The following DYNC2H1 variants were observed in gnomAD, a reference collection of about 807,000 sequenced individuals.
DYNC2H1 encodes the protein cytoplasmic dynein 2 heavy chain 1.
A neutral mutation model predicts 570.0 loss-of-function variants in DYNC2H1; 410 were observed. The ratio of observed to expected loss-of-function variants is 0.72; its 90% CI spans 0.66 to 0.78. The LOEUF (loss-of-function observed/expected upper bound fraction) is 0.78. Among genes scored for constraint, DYNC2H1 ranks in the 30% least tolerant of loss-of-function variants. The pLI, the probability that DYNC2H1 is intolerant of heterozygous loss-of-function variation, is 0.00. For missense variants in DYNC2H1, 4,865 were observed against 5,046.4 expected (o/e 0.96, Z 1.09); for synonymous variants, 1,688 against 1,677.6 (o/e 1.01, Z -0.15).
rs754368518 is a variant in DYNC2H1, at chr11:103,114,195, C to A, written c.459C>A (p.Asp153Glu). 2.5e-6 allele frequency: 4 copies of A among 1,601,034 alleles called. No homozygotes were observed. Among genetic ancestry groups the A allele is most frequent in the Admixed American group, 1.7e-5 (1 of 58,024 alleles). ...AGLGIVLRRS[D>E]TNLTKLKFKE... ...TGGGTATAGTTCTACGAAGATCAGA[C>A]ACTAACTTAACAAAATTGAAATTTA... Residue 153 changes from aspartate (D) to glutamate (E), a missense_variant, in exon 3 of 89, where the codon GAC (aspartate) becomes GAA (glutamate). By Grantham distance (45) the Asp-to-Glu change is conservative. Around this residue, in one of 5 missense-constraint regions of DYNC2H1, gnomAD observed 1,936 missense variants for 1,962.1 expected, o/e 0.99. Transcript: ENST00000375735.
chr11:103,149,340 A>T (rs906162788), intron 20 of DYNC2H1, among the ~76,000 whole-genome samples: 2 of 152,218 alleles, frequency 1.3e-5, no homozygotes, highest in African/African-American at 4.8e-5. Context: ...AAAGATTCAT[A>T]AAAAACTATC....
chr11:103,477,169 T>A (rs1485295023), intron 88 of DYNC2H1, among the ~76,000 whole-genome samples: 1 of 152,218 alleles, frequency 6.6e-6, no homozygotes, highest in East Asian at 1.9e-4. Context: ...TTTATTTCCA[T>A]AAATGTTATT....
chr11:103,163,532 T>C lies in DYNC2H1; in HGVS notation c.4611+385T>C, dbSNP rs775697174. Among the ~76,000 whole-genome samples, 15 of 152,166 alleles carry C rather than the reference T, an allele frequency of 9.9e-5. No homozygotes were observed. The highest frequency in any genetic ancestry group is 7.2e-5 in the African/African-American group (3 of 41,440). On this transcript the variant is annotated intron_variant, in intron 30 of 88. Coordinates refer to ENST00000375735, the MANE Select transcript of DYNC2H1 (RefSeq NM_001377.3). This position sits in a 1 kb window ranked among gnomAD's most constrained non-coding sequence, Gnocchi z 4.6. ...AACTTAGCAGGTATTAGTGTAAATCTGAAATAGTCATAACACTAAACTGTA... is the reference window on the plus strand; with the variant it reads ...AACTTAGCAGGTATTAGTGTAAATCCGAAATAGTCATAACACTAAACTGTA...
chr11:103,124,659 A>T (rs2134731972), intron 11 of DYNC2H1, among the ~76,000 whole-genome samples: 1 of 152,208 alleles, frequency 6.6e-6, no homozygotes, highest in South Asian at 2.1e-4. Context: ...GAAGAATGAA[A>T]CGTTTTAATA....
intron 59 of DYNC2H1, among the ~76,000 whole-genome samples, chr11:103,227,712 A>G (rs974449135): frequency 1.3e-5 from 2 of 152,174 alleles, no homozygotes; most frequent in African/African-American, 4.8e-5. Context: ...GTTGTAGGGT[A>G]TAGTTTAAGT....
rs28692837 is a variant in DYNC2H1 at position 103,472,386 on chromosome 11, T to A, written c.12765+3681T>A. 4.6e-3 allele frequency among the ~76,000 whole-genome samples: 393 copies of A among 84,832 alleles called. 1 individual carries two copies. The highest frequency in any genetic ancestry group is 0.023 in the South Asian group (58 of 2,574). The allele number at this position is 84,832 out of a possible 152,430, so 55.7% of individuals were successfully genotyped here. On this transcript the variant is annotated intron_variant, in intron 88 of 88. Transcript: ENST00000375735. This position sits in a 1 kb window ranked among gnomAD's most constrained non-coding sequence, Gnocchi z 4.1. ...TTAAATAAAAAAAGAATTAAAAAAA[T>A]TTTTTTTAAAGAATTGAGAACAGGA...
rs556841121 is a variant in DYNC2H1 at position 103,129,071 on chromosome 11, C to T, written c.1953+66C>T. On this transcript the variant is annotated intron_variant, in intron 13 of 88. Coordinates refer to ENST00000375735, the MANE Select transcript of DYNC2H1 (RefSeq NM_001377.3). The surrounding 1 kb of genome is among the most constrained non-coding windows in gnomAD (Gnocchi z 4.1). ...GTGAAGTGTTTAATTCTTAATTTTC[C>T]GGTGTTCCCTTCAGCTTAATATATC... 8.9e-5 allele frequency: 122 copies of T among 1,372,058 alleles called. No individual in the cohort carries two copies. In the African/African-American group the frequency reaches 9.7e-4, roughly 11 times the overall value. 85.0% of individuals were successfully genotyped at this position (1,372,058 alleles called of 1,614,324 possible). A position where few individuals can be genotyped will look rare whatever the true frequency, so the allele number is the denominator to read the frequency against.
Position 103,303,148 on chromosome 11 carries a change from A to G in DYNC2H1, c.11151A>G (p.Thr3717=), listed in dbSNP as rs1055800064. Residue 3717 remains threonine (T), a synonymous_variant, in exon 76 of 89, where the codon ACA becomes ACG. Transcript: ENST00000375735. ...ATCTCAAACGTTTATACAAAGAGACACTGGAAATTGAACCCATCTTGATAA... is the reference window on the plus strand; with the variant it reads ...ATCTCAAACGTTTATACAAAGAGACGCTGGAAATTGAACCCATCTTGATAA... ...PLNLKRLYKE[T]LEIEPILIII... 6 of 1,611,580 alleles carry G rather than the reference A, an allele frequency of 3.7e-6. No homozygotes were observed. The Admixed American group carries it at 5.0e-5, about 13-fold the overall frequency.
intron 17 of DYNC2H1, among the ~76,000 whole-genome samples, chr11:103,140,364 C>T (rs1200928177): frequency 1.3e-5 from 2 of 151,978 alleles, no homozygotes; most frequent in East Asian, 3.9e-4. Context: ...TGTTCCTTTC[C>T]ATGTTGAGTG....
At position 103,253,302 on chromosome 11, in the gene DYNC2H1, C is replaced by G. The variant is rs1864912200; in HGVS notation, c.10060C>G (p.Gln3354Glu). ...LVAQGPRYVV[Q>E]IGDKIIDYNE... ...TTAAATAGGACCACGTTATGTGGTA[C>G]AAATAGGTGACAAAATTATTGACTA... The change falls in exon 66 of 89, where the codon CAA becomes GAA. Residue 3354 changes from glutamine (Q) to glutamate (E), a missense_variant. By Grantham distance (29) the Gln-to-Glu change is conservative. Around this residue, in one of 5 missense-constraint regions of DYNC2H1, gnomAD observed 2,401 missense variants for 2,454.6 expected, o/e 0.98. Transcript: ENST00000375735. 3.7e-6 allele frequency: 6 copies of G among 1,612,180 alleles called. No homozygotes were observed. Among genetic ancestry groups the G allele is most frequent in the Admixed American group, 1.7e-5 (1 of 59,920 alleles).
intron 70 of DYNC2H1, among the ~76,000 whole-genome samples, chr11:103,276,197 A>G (rs1865900046): frequency 6.6e-6 from 1 of 152,118 alleles, no homozygotes; most frequent in South Asian, 2.1e-4. Flanking sequence ...CTACACACAC[A>G]CACACATGCA....
intron 70 of DYNC2H1, among the ~76,000 whole-genome samples, chr11:103,260,619 A>ATTTT (rs35142548): frequency 7.1e-6 from 1 of 140,078 alleles, no homozygotes; most frequent in African/African-American, 2.6e-5. Context: ...TGTACTTAGA[A>ATTTT]TTTTTTTTTT....
At position 103,402,484 on chromosome 11, in the gene DYNC2H1, A is replaced by G. The variant is rs534129418; in HGVS notation, c.12366+2612A>G. 1.4e-4 allele frequency: 21 copies of G among 152,200 alleles called. 1 individual carries two copies. Among genetic ancestry groups the G allele is most frequent in the Admixed American group, 1.0e-3 (16 of 15,266 alleles). The allele number at this position is 152,200 out of a possible 1,614,324, so 9.4% of individuals were successfully genotyped here. On this transcript the variant is annotated intron_variant, in intron 84 of 88. Coordinates refer to ENST00000375735, the MANE Select transcript of DYNC2H1 (RefSeq NM_001377.3). ...TAAAAGAGTCATAGAGTTGAAGTGAAATCACATGGCCAGGCCAGATGTTAT... is the reference window on the plus strand; with the variant it reads ...TAAAAGAGTCATAGAGTTGAAGTGAGATCACATGGCCAGGCCAGATGTTAT...
chr11:103,161,392 T>C (rs1034304336), intron 29 of DYNC2H1, among the ~76,000 whole-genome samples: 4 of 152,140 alleles, frequency 2.6e-5, no homozygotes, highest in Admixed American at 1.3e-4. Context: ...AGGTGGAGTA[T>C]GTCTTATCCA....
Position 103,176,353 on chromosome 11 carries a change from G to A in DYNC2H1, c.5793G>A (p.Leu1931=), listed in dbSNP as rs185504536. 8 of 1,590,478 alleles carry A rather than the reference G, an allele frequency of 5.0e-6. No homozygotes were observed. Among genetic ancestry groups the A allele is most frequent in the South Asian group, 3.5e-5 (3 of 86,238 alleles). ...LIKDVFPGIE[L]KEVEYDELSA... Reference sequence around the variant, plus strand: ...AAGATGTCTTTCCGGGAATTGAATTGAAAGAAGTGGAATATGATGAACTAA... The same window carrying A: ...AAGATGTCTTTCCGGGAATTGAATTAAAAGAAGTGGAATATGATGAACTAA... The change falls in exon 37 of 89, where the codon TTG becomes TTA. Residue 1931 remains leucine, a synonymous_variant. Coordinates refer to ENST00000375735, the MANE Select transcript of DYNC2H1 (RefSeq NM_001377.3).
In DYNC2H1 at chr11:103,170,201, T is replaced by C; in HGVS notation, c.5062T>C (p.Tyr1688His). Residue 1688 changes from tyrosine (Y) to histidine (H), a missense_variant, in exon 33 of 89, where the codon TAT (tyrosine) becomes CAT (histidine). Tyr to His is a moderately conservative substitution (Grantham distance 83). Around this residue, in one of 5 missense-constraint regions of DYNC2H1, gnomAD observed 1,936 missense variants for 1,962.1 expected, o/e 0.99. Coordinates refer to ENST00000375735, the MANE Select transcript of DYNC2H1 (RefSeq NM_001377.3). The surrounding 1 kb of genome is among the most constrained non-coding windows in gnomAD (Gnocchi z 4.8). ...AMKMGLGGNPYGPAGTGKTES... is the reference protein window; with the variant it reads ...AMKMGLGGNPHGPAGTGKTES... ...GAAGATGGGACTTGGAGGAAATCCT[T>C]ATGGACCAGCTGGAACTGGGAAAAC... 1.2e-6 allele frequency: 2 copies of C among 1,612,988 alleles called. No homozygotes were observed. Among genetic ancestry groups the C allele is most frequent in the Non-Finnish European group, 8.5e-7 (1 of 1,179,424 alleles).
chr11:103,226,161 C>T (rs1863794009), intron 59 of DYNC2H1, among the ~76,000 whole-genome samples: 1 of 152,100 alleles, frequency 6.6e-6, no homozygotes, highest in Non-Finnish European at 1.5e-5. Flanking sequence ...TCAGCAAACA[C>T]TGGCAGTTTA....
intron 36 of DYNC2H1, 60 bp from the exon 37 acceptor site, chr11:103,176,175 A>T: frequency 3.8e-6 from 5 of 1,325,090 alleles, no homozygotes; most frequent in Non-Finnish European, 5.0e-6. Flanking sequence ...TAGAATATTT[A>T]AAAACTTTTT....
intron 84 of DYNC2H1, among the ~76,000 whole-genome samples, chr11:103,433,669 A>G (rs1389116836): frequency 6.6e-6 from 1 of 152,162 alleles, no homozygotes; most frequent in African/African-American, 2.4e-5. Flanking sequence ...GCAAAATACA[A>G]CCGTCTCCTC....
Sources: gnomAD v4.1 joint callset for allele counts (sites outside exome capture counted in the v4.1 genomes callset) on GRCh38, gnomAD v4.1.1 for gene constraint, gnomAD v4.1.1 regional missense constraint, Gnocchi (gnomAD v3.1) non-coding constraint, MANE v1.5 for transcripts, NCBI Gene and HGNC (gene_info 2026-07-23, HGNC 2026-07-21) for gene names.